Variants in CHIC1 observed in about 807,000 individuals in gnomAD.
CHIC1 encodes the protein cysteine rich hydrophobic domain 1.
CHIC1 carries 7 observed loss-of-function variants against 18.5 expected under a neutral mutation model. That is an observed-to-expected ratio of 0.38 (90% CI 0.22 to 0.71). CHIC1 has a LOEUF of 0.71. Ranked by LOEUF, CHIC1 falls within the 30% of genes least tolerant of loss-of-function variation. CHIC1 has a pLI of 0.49. For missense variants in CHIC1, 159 were observed against 176.9 expected (o/e 0.90, Z 0.57); for synonymous variants, 77 against 73.5 (o/e 1.05, Z -0.25).
chrX:73,595,998 C>T (rs1203312861), intron 3 of CHIC1, among the ~76,000 whole-genome samples: 1 of 111,461 alleles, frequency 9.0e-6, no homozygotes, highest in Non-Finnish European at 1.9e-5. Flanking sequence ...TGTTCATATT[C>T]TTTGCCCACT....
At chrX:73,657,396 GTTCA>G (rs1190109355) in intron 3 of CHIC1, among the ~76,000 whole-genome samples, 2 of 111,503 alleles carry the variant, frequency 1.8e-5, no homozygotes, top group East Asian at 5.7e-4. Context: ...GTGAATGGGA[GTTCA>G]TTCATGATTT....
chrX:73,634,858 G>A (rs2057824406), intron 3 of CHIC1, among the ~76,000 whole-genome samples: 1 of 111,168 alleles, frequency 9.0e-6, no homozygotes, highest in African/African-American at 3.3e-5. Flanking sequence ...AAGGAGGGGG[G>A]CTTTTTTGGC....
Position 73,686,805 on chromosome X carries a change from C to G in CHIC1, c.*5800C>G, listed in dbSNP as rs1438533669. 1 of 111,454 alleles carries G rather than the reference C, an allele frequency of 9.0e-6. No homozygotes were observed. The highest frequency in any genetic ancestry group is 2.8e-4 in the East Asian group (1 of 3,525). 9.2% of individuals were successfully genotyped at this position (111,454 alleles called of 1,213,427 possible). On this transcript the variant is annotated 3_prime_UTR_variant, in exon 6 of 6. Coordinates refer to ENST00000373502, the MANE Select transcript of CHIC1 (RefSeq NM_001039840.4). ...GAAGCCTAGGATTTCAACTTTTTGTCAGAGGATTCCTGTTGGGACAGCTTT... is the reference window on the plus strand; with the variant it reads ...GAAGCCTAGGATTTCAACTTTTTGTGAGAGGATTCCTGTTGGGACAGCTTT...
chrX:73,643,600 C>T (rs981861961), intron 3 of CHIC1, among the ~76,000 whole-genome samples: 2 of 111,764 alleles, frequency 1.8e-5, no homozygotes, highest in East Asian at 2.8e-4. Context: ...CTTCCCTTCT[C>T]GCTTCATTTC....
chrX:73,606,213 A>C (rs765339989), intron 3 of CHIC1, among the ~76,000 whole-genome samples: 1 of 105,719 alleles, frequency 9.5e-6, no homozygotes, highest in African/African-American at 3.7e-5. Flanking sequence ...TCTTGTCTTC[A>C]TGCTTTATTT....
chrX:73,642,487 G>A (rs1461487106), intron 3 of CHIC1, among the ~76,000 whole-genome samples: 1 of 107,286 alleles, frequency 9.3e-6, no homozygotes, highest in East Asian at 2.9e-4. Context: ...CACTCTGATG[G>A]TAGTTTCTTT....
intron 2 of CHIC1, chrX:73,578,888 C>G (rs1239525489): frequency 9.1e-6 from 1 of 109,972 alleles, no homozygotes; most frequent in East Asian, 2.9e-4. Flanking sequence ...TTCACTGTCC[C>G]TTGTTCTAAA....
In CHIC1 at chrX:73,685,331, C is replaced by G. The variant is rs2058117073; in HGVS notation, c.*4326C>G. 1 of 111,524 alleles carries G rather than the reference C, an allele frequency of 9.0e-6. No homozygotes were observed. The highest frequency in any genetic ancestry group is 3.3e-5 in the African/African-American group (1 of 30,727). 9.2% of individuals were successfully genotyped at this position (111,524 alleles called of 1,213,427 possible). On this transcript the variant is annotated 3_prime_UTR_variant, in exon 6 of 6. Coordinates refer to ENST00000373502, the MANE Select transcript of CHIC1 (RefSeq NM_001039840.4). ...TGAGCACTGAGGTCTGTGTCCTTTG[C>G]CTGTGTAGAATCTGTCTATGCAGTT...
At chrX:73,625,898 C>A (rs1350545657) in intron 3 of CHIC1, among the ~76,000 whole-genome samples, 1 of 110,483 alleles carries the variant, frequency 9.1e-6, no homozygotes, top group East Asian at 2.9e-4. Flanking sequence ...TAAATTGGGC[C>A]TCTAACTCAA....
chrX:73,582,574 A>G (rs932276796), intron 2 of CHIC1, among the ~76,000 whole-genome samples: 2 of 110,431 alleles, frequency 1.8e-5, no homozygotes, highest in African/African-American at 6.5e-5. Context: ...TAGGAAAACT[A>G]TGGAATATTA....
intron 3 of CHIC1, among the ~76,000 whole-genome samples, chrX:73,631,361 TCACACC>T (rs1489884255): frequency 5.4e-5 from 6 of 111,119 alleles, no homozygotes; most frequent in Admixed American, 9.6e-5. Context: ...GCGTAGTGGC[TCACACC>T]TGTAATCTCA....
At chrX:73,599,755 G>A (rs1164915339) in intron 3 of CHIC1, among the ~76,000 whole-genome samples, 1 of 107,762 alleles carries the variant, frequency 9.3e-6, no homozygotes, top group Non-Finnish European at 1.9e-5. Context: ...ATAGTTAGAA[G>A]TCAGGTAGTG....
At chrX:73,675,922 G>C (rs1288434175) in intron 3 of CHIC1, among the ~76,000 whole-genome samples, 1 of 110,155 alleles carries the variant, frequency 9.1e-6, no homozygotes, top group Non-Finnish European at 1.9e-5. Flanking sequence ...TTTAGGGCAG[G>C]CCTGGTGGTG....
chrX:73,587,483 G>A (rs1191109518), intron 3 of CHIC1, among the ~76,000 whole-genome samples: 1 of 110,600 alleles, frequency 9.0e-6, no homozygotes, highest in African/African-American at 3.3e-5. Flanking sequence ...TTCCTTTTTT[G>A]CTTTGATACT....
chrX:73,587,485 T>G (rs1402770157), intron 3 of CHIC1, among the ~76,000 whole-genome samples: 1 of 111,751 alleles, frequency 8.9e-6, no homozygotes, highest in Non-Finnish European at 1.9e-5. Context: ...CCTTTTTTGC[T>G]TTGATACTCA....
chrX:73,598,794 A>G (rs1252135452), intron 3 of CHIC1, among the ~76,000 whole-genome samples: 2 of 110,524 alleles, frequency 1.8e-5, no homozygotes, highest in South Asian at 3.9e-4. Flanking sequence ...ATAAACATAC[A>G]TGTGCATGTG....
At chrX:73,606,503 C>A (rs1375645409) in intron 3 of CHIC1, among the ~76,000 whole-genome samples, 1 of 107,600 alleles carries the variant, frequency 9.3e-6, no homozygotes, top group Non-Finnish European at 1.9e-5. Context: ...CAAACTTCTT[C>A]TCCGTCCAGT....
chrX:73,632,763 CTTTTTTTTTTTT>C (rs778008597), intron 3 of CHIC1, among the ~76,000 whole-genome samples: 3 of 63,654 alleles, frequency 4.7e-5, no homozygotes, highest in East Asian at 4.8e-4. Context: ...TATTGTTATT[CTTTTTTTTTTTT>C]TTTTTTTTTT....
intron 3 of CHIC1, among the ~76,000 whole-genome samples, chrX:73,618,634 A>G (rs2057744648): frequency 8.9e-6 from 1 of 111,801 alleles, no homozygotes; most frequent in Admixed American, 9.4e-5. Context: ...CCCCACCCCC[A>G]ACAGCACCAA....
Sources: allele counts gnomAD v4.1 joint callset (sites outside exome capture counted in the v4.1 genomes callset), GRCh38; gene constraint gnomAD v4.1.1; transcripts MANE v1.5; gene names NCBI Gene and HGNC (gene_info 2026-07-23, HGNC 2026-07-21).